The following PPFIA4 variants were observed in gnomAD, a reference collection of about 807,000 sequenced individuals.
PPFIA4 encodes the protein liprin-alpha-4.
A neutral mutation model predicts 145.7 loss-of-function variants in PPFIA4; 98 were observed. The observed-to-expected ratio is 0.67, with a 90% CI of 0.57 to 0.80. The LOEUF is 0.80. Among genes scored for constraint, PPFIA4 ranks in the 30% least tolerant of loss-of-function variants. PPFIA4 has a pLI of 0.00. For synonymous variants in PPFIA4, 628 were observed against 649.6 expected (o/e 0.97, Z 0.51); for missense variants, 1,457 against 1,632.7 (o/e 0.89, Z 1.85).
In PPFIA4 at chr1:203,061,754, G is replaced by T. The variant is rs533887771; in HGVS notation, c.2874+76G>T. 4.1e-6 allele frequency: 6 copies of T among 1,445,838 alleles called. No individual in the cohort carries two copies. The East Asian group carries it at 1.0e-4, about 25-fold the overall frequency. 89.6% of individuals were successfully genotyped at this position (1,445,838 alleles called of 1,614,324 possible). ...GTTCTTCTGGTAGGTTCTCTCCGCA[G>T]CAGGAATCTCTGAGTCCTTCATATG... On this transcript the variant is annotated intron_variant, in intron 24 of 29. Transcript: ENST00000295706.
In PPFIA4 at chr1:203,058,149, T is replaced by G. The variant is rs532114505; in HGVS notation, c.2408-1029T>G. ...GAACCTTTGGACCCAAATGCATAAT[T>G]AGACCTTTCTGCAGCTCAGGAAGAT... On this transcript the variant is annotated intron_variant, in intron 19 of 29. Transcript: ENST00000295706. 4.6e-5 allele frequency among the ~76,000 whole-genome samples: 7 copies of G among 152,256 alleles called. No individual in the cohort carries two copies. The East Asian group carries it at 7.7e-4, about 17-fold the overall frequency.
At chr1:203,052,054 C>CA (rs985255116) in intron 14 of PPFIA4, among the ~76,000 whole-genome samples, 177 bp downstream of exon 14, 2 of 104,198 alleles carry the variant, frequency 1.9e-5, no homozygotes, top group Admixed American at 8.5e-5. Flanking sequence ...TGCCCCCCCC[C>CA]CCGCTTGCCT....
intron 9 of PPFIA4, among the ~76,000 whole-genome samples, chr1:203,047,184 AC>A (rs927352565): frequency 4.0e-4 from 61 of 152,298 alleles, no homozygotes; most frequent in African/African-American, 1.5e-3. Context: ...TGCTTCGAGG[AC>A]GGAACCTGCA....
At chr1:203,057,903 G>A (rs111809119) in intron 19 of PPFIA4, among the ~76,000 whole-genome samples, 9,496 of 152,122 alleles carry the variant, frequency 0.062, 956 homozygotes, top group African/African-American at 0.22. Flanking sequence ...GTTGGTCTGG[G>A]AAAGGCAAAA....
At chr1:203,045,780 G>A (rs546179179) in intron 7 of PPFIA4, 61 bp from the exon 8 acceptor site, 87 of 1,609,860 alleles carry the variant, frequency 5.4e-5, no homozygotes, top group South Asian at 3.1e-4. Context: ...GTGGGGAGGT[G>A]TAGACAGGAT....
At chr1:203,072,900 G>A (rs998759649) in intron 28 of PPFIA4, among the ~76,000 whole-genome samples, 19 of 50,384 alleles carry the variant, frequency 3.8e-4, no homozygotes, top group African/African-American at 1.4e-3. Context: ...CCCCTCCCCC[G>A]ACCCAGAGCT....
At chr1:203,041,895 G>T (rs1395247793) in intron 2 of PPFIA4, among the ~76,000 whole-genome samples, 1 of 152,192 alleles carries the variant, frequency 6.6e-6, no homozygotes. Context: ...CTGGGCTTCT[G>T]GAGTATGAGA....
At chr1:203,076,173 C>G in intron 29 of PPFIA4, 168 bp from the exon 30 acceptor site, 2 of 747,874 alleles carry the variant, frequency 2.7e-6, no homozygotes, top group Non-Finnish European at 4.5e-6. Context: ...CCGCTCCAGT[C>G]CCGCTTACCA....
At chr1:203,056,090 T>G in intron 16 of PPFIA4, 30 bp from the exon 17 acceptor site, 2 of 1,613,398 alleles carry the variant, frequency 1.2e-6, no homozygotes, top group African/African-American at 2.7e-5. Context: ...AGAGGGTGAG[T>G]CTGAGCTTAC....
chr1:203,060,940 G>A lies in PPFIA4; in HGVS notation c.2785-30G>A. 1 of 1,612,256 alleles carries A rather than the reference G, an allele frequency of 6.2e-7. No homozygotes were observed. Among genetic ancestry groups the A allele is most frequent in the Non-Finnish European group, 8.5e-7 (1 of 1,178,530 alleles). On this transcript the variant is annotated intron_variant, in intron 22 of 29. Transcript: ENST00000295706. This position sits in a 1 kb window ranked among gnomAD's most constrained non-coding sequence, Gnocchi z 4.8. Reference sequence around the variant, plus strand: ...TGGGGATCCTGGGGACCCACACCCAGGACCAGCTAGGTTTCCTCTCTGCCT... The same window carrying A: ...TGGGGATCCTGGGGACCCACACCCAAGACCAGCTAGGTTTCCTCTCTGCCT...
chr1:203,046,409 G>C (rs1158750685), intron 9 of PPFIA4, 27 bp downstream of exon 9: 1 of 1,568,546 alleles, frequency 6.4e-7, no homozygotes, highest in Non-Finnish European at 8.6e-7. Flanking sequence ...CCTGGGATCT[G>C]CCTCTGTCCC....
In PPFIA4 at chr1:203,068,522, G is replaced by A. The variant is rs1022300219; in HGVS notation, c.3218G>A (p.Gly1073Glu). 1 of 1,609,426 alleles carries A rather than the reference G, an allele frequency of 6.2e-7. No homozygotes were observed. Among genetic ancestry groups the A allele is most frequent in the Non-Finnish European group, 8.5e-7 (1 of 1,177,998 alleles). ...TCTATTGGGCTCCGGGACTACGCAG[G>A]AAACCTGCATGAGAGTGGTGTGCAT... is the stretch of plus-strand genomic sequence containing the variant. Reference protein sequence around the residue: ...VQSIGLRDYAGNLHESGVHGA... With the variant: ...VQSIGLRDYAENLHESGVHGA... The change falls in exon 27 of 30, where the codon GGA (glycine) becomes GAA (glutamate). Residue 1073 changes from glycine (G) to glutamate (E), a missense_variant. Physicochemically the swap from Gly to Glu is moderately conservative, Grantham distance 98. Coordinates refer to ENST00000295706, the MANE Select transcript of PPFIA4 (RefSeq NM_001304331.2). This position sits in a 1 kb window ranked among gnomAD's most constrained non-coding sequence, Gnocchi z 4.7.
In PPFIA4 at chr1:203,039,230, C is replaced by T. The variant is rs563182997; in HGVS notation, c.222C>T (p.Ser74=). ...ACCAGCTCCAGCGCCACCTTAACTC[C>T]GCCCTCCCCCAGGTAAGGCCCGAAG... ...ERDQLQRHLN[S]ALPQEFATLT... The change falls in exon 2 of 30, where the codon TCC becomes TCT. Residue 74 remains serine, a synonymous_variant. Coordinates refer to ENST00000295706, the MANE Select transcript of PPFIA4 (RefSeq NM_001304331.2). 121 of 1,588,238 alleles carry T rather than the reference C, an allele frequency of 7.6e-5. No individual in the cohort carries two copies. The East Asian group carries it at 1.2e-3, about 15-fold the overall frequency.
chr1:203,027,405 G>A (rs1173410680), intron 1 of PPFIA4, among the ~76,000 whole-genome samples: 1 of 152,182 alleles, frequency 6.6e-6, no homozygotes, highest in African/African-American at 2.4e-5. Context: ...GGTGTAGGTG[G>A]TTTTCTTCGA....
chr1:203,035,630 A>G, intron 1 of PPFIA4: 1 of 456,738 alleles, frequency 2.2e-6, no homozygotes, highest in South Asian at 1.5e-5. Context: ...TTCGCCTCTG[A>G]ATCAGGACCT....
intron 8 of PPFIA4, 36 bp downstream of exon 8, chr1:203,046,023 A>G: frequency 1.2e-6 from 2 of 1,611,452 alleles, no homozygotes; most frequent in Non-Finnish European, 1.7e-6. Flanking sequence ...TGGGCATTGT[A>G]CTTAGCCCTG....
At chr1:203,074,598 G>T (rs989223361) in intron 28 of PPFIA4, among the ~76,000 whole-genome samples, 1 of 152,130 alleles carries the variant, frequency 6.6e-6, no homozygotes, top group Non-Finnish European at 1.5e-5. Context: ...AAACCCTAGC[G>T]GGGAAGGGCT....
Position 203,043,546 on chromosome 1 carries a change from G to A in PPFIA4, c.336+48G>A. Reference sequence around the variant, plus strand: ...CGCGCGCGCGCACGTGTGTGTGTGTGTGTATGGGGGTGTGTTGTGAACACC... The same window carrying A: ...CGCGCGCGCGCACGTGTGTGTGTGTATGTATGGGGGTGTGTTGTGAACACC... On this transcript the variant is annotated intron_variant, in intron 3 of 29. Transcript: ENST00000295706. This position sits in a 1 kb window ranked among gnomAD's most constrained non-coding sequence, Gnocchi z 4.4. 1.4e-6 allele frequency: 2 copies of A among 1,476,036 alleles called. No individual in the cohort carries two copies. The highest frequency in any genetic ancestry group is 1.9e-6 in the Non-Finnish European group (2 of 1,075,798). The allele number at this position is 1,476,036 out of a possible 1,614,324, so 91.4% of individuals were successfully genotyped here.
chr1:203,045,704 A>G, intron 7 of PPFIA4, 137 bp from the exon 8 acceptor site: 1 of 1,473,682 alleles, frequency 6.8e-7, no homozygotes, highest in Non-Finnish European at 9.1e-7. Flanking sequence ...GGGGTGGGCC[A>G]AAGCCAGAAA....
Sources: allele counts gnomAD v4.1 joint callset (sites outside exome capture counted in the v4.1 genomes callset), GRCh38; gene constraint gnomAD v4.1.1; non-coding constraint Gnocchi (gnomAD v3.1); transcripts MANE v1.5; gene names NCBI Gene and HGNC (gene_info 2026-07-23, HGNC 2026-07-21).